Variants in LAMB1 observed in about 807,000 individuals in gnomAD.
LAMB1 encodes the protein laminin subunit beta-1.
In LAMB1, 121 loss-of-function variants were observed where a neutral mutation model predicts 222.3. That is an observed-to-expected ratio of 0.54 (90% CI 0.47 to 0.63). LAMB1 has a LOEUF of 0.63. Among genes scored for constraint, LAMB1 ranks in the 30% least tolerant of loss-of-function variants. The pLI is 0.00. For synonymous variants in LAMB1, 794 were observed against 807.2 expected (o/e 0.98, Z 0.28); for missense variants, 2,172 against 2,240.8 (o/e 0.97, Z 0.62).
chr7:107,929,616 T>C lies in LAMB1; in HGVS notation c.4541A>G (p.Asp1514Gly). Reference protein sequence around the residue: ...IKQIRNFLTQDSADLDSIEAV... With the variant: ...IKQIRNFLTQGSADLDSIEAV... ...TTCAATGCTGTCCAAATCAGCACTA[T>C]CCTCTGTGAAAAGCAAAGATGTCCC... is the stretch of plus-strand genomic sequence containing the variant. Residue 1514 changes from aspartate (D) to glycine (G), a missense_variant, in exon 30 of 34, where the codon GAT becomes GGT. Physicochemically the swap from Asp to Gly is moderately conservative, Grantham distance 94. Transcript: ENST00000222399. 2.5e-6 allele frequency: 4 copies of C among 1,613,592 alleles called. No individual in the cohort carries two copies. The highest frequency in any genetic ancestry group is 3.4e-6 in the Non-Finnish European group (4 of 1,179,556).
At chr7:107,994,992 A>C in intron 4 of LAMB1, 32 bp from the exon 5 acceptor site, 1 of 1,180,916 alleles carries the variant, frequency 8.5e-7, no homozygotes, top group South Asian at 1.3e-5. Flanking sequence ...TAAAACAATA[A>C]ATGAAACTGT....
rs115007395 is a variant in LAMB1, at chr7:107,946,589, C to T, written c.3391+4637G>A. Among the ~76,000 whole-genome samples the T allele has an allele frequency of 3.0e-3, 460 of 152,354 alleles. 4 individuals carry two copies. The highest frequency in any genetic ancestry group is 0.011 in the African/African-American group (437 of 41,590). ...GGCAGGGGGCTGGATTTGGCCTCTG[C>T]CTGTGGTCTGCCCAGCTCTGGTCTA... is the stretch of plus-strand genomic sequence containing the variant. On this transcript the variant is annotated intron_variant, in intron 24 of 33. Transcript: ENST00000222399.
chr7:107,950,795 G>T (rs1367690094), intron 24 of LAMB1, among the ~76,000 whole-genome samples: 1 of 152,154 alleles, frequency 6.6e-6, no homozygotes, highest in Non-Finnish European at 1.5e-5. Context: ...ACCTCTTCTT[G>T]TGCCATCAAG....
At chr7:107,982,886 C>A (rs2034000661) in intron 7 of LAMB1, among the ~76,000 whole-genome samples, 1 of 152,180 alleles carries the variant, frequency 6.6e-6, no homozygotes, top group African/African-American at 2.4e-5. Context: ...GAAAAAGATT[C>A]TCCGATGTCA....
chr7:107,946,863 G>A (rs1008294425), intron 24 of LAMB1, among the ~76,000 whole-genome samples: 13 of 152,228 alleles, frequency 8.5e-5, no homozygotes, highest in African/African-American at 2.7e-4. Context: ...AATGAGAAAC[G>A]AGCATGATGG....
At chr7:107,952,346 G>T (rs1430176553) in intron 22 of LAMB1, 123 bp from the exon 23 acceptor site, 2 of 689,956 alleles carry the variant, frequency 2.9e-6, no homozygotes, top group East Asian at 2.7e-5. Context: ...TGCAAAGAAG[G>T]AAAGAAATGG....
chr7:107,929,127 T>C lies in LAMB1; in HGVS notation c.4824A>G (p.Ala1608=). 2.5e-6 allele frequency: 4 copies of C among 1,614,138 alleles called. No homozygotes were observed. The highest frequency in any genetic ancestry group is 3.4e-6 in the Non-Finnish European group (4 of 1,180,012). ...ALEEAEKAQV[A]AEKAIKQADE... ...CTGCTTGTTTAATTGCCTTCTCTGCTGCGACCTGGGCCTTTTCTGCTTCTT... is the reference window on the plus strand; with the variant it reads ...CTGCTTGTTTAATTGCCTTCTCTGCCGCGACCTGGGCCTTTTCTGCTTCTT... Residue 1608 remains alanine, a synonymous_variant, in exon 31 of 34, where the codon GCA becomes GCG. Coordinates refer to ENST00000222399, the MANE Select transcript of LAMB1 (RefSeq NM_002291.3).
rs775159202 is a variant in LAMB1, at chr7:108,001,654, C to T, written c.117G>A (p.Thr39=). 8.7e-6 allele frequency: 14 copies of T among 1,612,642 alleles called. No homozygotes were observed. In the South Asian group the frequency reaches 1.1e-4, roughly 13 times the overall value. Residue 39 remains threonine, a synonymous_variant, in exon 3 of 34, where the codon ACG becomes ACA. Coordinates refer to ENST00000222399, the MANE Select transcript of LAMB1 (RefSeq NM_002291.3). ...GTGCTCGGCCGATGAGAAGGTCGCC[C>T]GTGGCGGGATAGCAGCTGCCTTCTG... ...GCAEGSCYPA[T]GDLLIGRAQK...
chr7:107,937,331 T>A, intron 25 of LAMB1, 54 bp from the exon 26 acceptor site: 2 of 1,436,082 alleles, frequency 1.4e-6, no homozygotes, highest in Middle Eastern at 1.8e-4. Flanking sequence ...GGGAGAACTT[T>A]CACGTTTCAT....
At chr7:107,928,693 A>G (rs1318313087) in intron 31 of LAMB1, among the ~76,000 whole-genome samples, 16 of 152,284 alleles carry the variant, frequency 1.1e-4, no homozygotes, top group Non-Finnish European at 1.5e-4. Context: ...GGGTTTTGCC[A>G]TGTTGGCCAC....
chr7:107,995,023 A>G, intron 4 of LAMB1, 63 bp from the exon 5 acceptor site: 1 of 855,402 alleles, frequency 1.2e-6, no homozygotes, highest in South Asian at 1.5e-5. Flanking sequence ...ATCTGTGAAT[A>G]GTTGAGACTA....
intron 9 of LAMB1, among the ~76,000 whole-genome samples, chr7:107,977,550 G>A (rs557595212): frequency 1.3e-5 from 2 of 152,062 alleles, no homozygotes; most frequent in East Asian, 1.9e-4. Context: ...CACTTTGGGA[G>A]GCCAAGGTGG....
chr7:107,947,297 A>G (rs1238836902), intron 24 of LAMB1, among the ~76,000 whole-genome samples: 1 of 152,236 alleles, frequency 6.6e-6, no homozygotes, highest in African/African-American at 2.4e-5. Flanking sequence ...ATCTTTCTAT[A>G]AGCATATTGT....
In LAMB1 at chr7:107,986,103, A is replaced by G; in HGVS notation, c.613-18T>C. 6.2e-7 allele frequency: 1 copy of G among 1,611,534 alleles called. No individual in the cohort carries two copies. The highest frequency in any genetic ancestry group is 1.7e-5 in the Admixed American group (1 of 60,016). On this transcript the variant is annotated intron_variant, in intron 6 of 33. Coordinates refer to ENST00000222399, the MANE Select transcript of LAMB1 (RefSeq NM_002291.3). Reference sequence around the variant, plus strand: ...AATATCACCTAAAAATGGAAACAAGAGTAATTGGTACTTCTGCAATAATCA... The same window carrying G: ...AATATCACCTAAAAATGGAAACAAGGGTAATTGGTACTTCTGCAATAATCA...
At chr7:107,963,754 C>T (rs1237885892) in intron 14 of LAMB1, among the ~76,000 whole-genome samples, 1 of 152,228 alleles carries the variant, frequency 6.6e-6, no homozygotes, top group Non-Finnish European at 1.5e-5. Flanking sequence ...TCCAAGCTTT[C>T]AGAGAGCTGG....
In LAMB1 at chr7:107,966,250, G is replaced by A. The variant is rs142520049; in HGVS notation, c.1563-1563C>T. Reference sequence around the variant, plus strand: ...TTTTGAGATGGAGTCTCGCACTGTCGCCCACGCTGGAGTACAGTGGAACGA... The same window carrying A: ...TTTTGAGATGGAGTCTCGCACTGTCACCCACGCTGGAGTACAGTGGAACGA... On this transcript the variant is annotated intron_variant, in intron 13 of 33. Transcript: ENST00000222399. 5.5e-3 allele frequency among the ~76,000 whole-genome samples: 839 copies of A among 151,752 alleles called. 7 individuals carry two copies. The highest frequency in any genetic ancestry group is 0.016 in the African/African-American group (661 of 41,364).
chr7:107,940,136 T>C lies in LAMB1; in HGVS notation c.3614A>G (p.Lys1205Arg). The change falls in exon 25 of 34, where the codon AAG becomes AGG. Residue 1205 changes from lysine (K) to arginine (R), a missense_variant. Transcript: ENST00000222399. The stretch of plus-strand genomic sequence containing the variant: ...GATCACACCACTGATCTTCAAGGCC[T>C]TGGCTTTCTCCAGGAATCTGTGTGT... ...NRTHRFLEKAKALKISGVIGP... is the reference protein window; with the variant it reads ...NRTHRFLEKARALKISGVIGP... 6.2e-7 allele frequency: 1 copy of C among 1,614,148 alleles called. No individual in the cohort carries two copies. The highest frequency in any genetic ancestry group is 8.5e-7 in the Non-Finnish European group (1 of 1,180,022).
intron 1 of LAMB1, 53 bp downstream of exon 1, chr7:108,003,058 G>A (rs985382669): frequency 2.1e-6 from 3 of 1,401,732 alleles, no homozygotes; most frequent in Non-Finnish European, 2.8e-6. Context: ...CCACGGAAGC[G>A]GGGGGTGGGC....
In LAMB1 at chr7:107,952,144, C is replaced by T. The variant is rs758269183; in HGVS notation, c.3159G>A (p.Gln1053=). Residue 1053 remains glutamine, a synonymous_variant, in exon 23 of 34, where the codon CAG becomes CAA. Coordinates refer to ENST00000222399, the MANE Select transcript of LAMB1 (RefSeq NM_002291.3). ...SDCQCDKATG[Q]CLCLPNVIGQ... ...CGATCACATTAGGAAGACACAAGCACTGACCAGTGGCTTTGTCGCACTGGC... is the reference window on the plus strand; with the variant it reads ...CGATCACATTAGGAAGACACAAGCATTGACCAGTGGCTTTGTCGCACTGGC... 3 of 1,614,026 alleles carry T rather than the reference C, an allele frequency of 1.9e-6. No homozygotes were observed. Among genetic ancestry groups the T allele is most frequent in the South Asian group, 2.2e-5 (2 of 91,030 alleles).
Sources: gnomAD v4.1 joint callset for allele counts (sites outside exome capture counted in the v4.1 genomes callset) on GRCh38, gnomAD v4.1.1 for gene constraint, MANE v1.5 for transcripts, NCBI Gene and HGNC (gene_info 2026-07-23, HGNC 2026-07-21) for gene names.